MRPS9: variants seen among roughly 807,000 people sequenced by gnomAD.
MRPS9 encodes small ribosomal subunit protein uS9m.
A neutral mutation model predicts 59.9 loss-of-function variants in MRPS9; 45 were observed. The observed-to-expected ratio is 0.75, with a 90% CI of 0.59 to 0.96. MRPS9 has a LOEUF of 0.96. Among genes scored for constraint, MRPS9 ranks in the 40% least tolerant of loss-of-function variants. The probability of loss-of-function intolerance (pLI) is 0.00; values close to 1 mark genes in which losing one functional copy is unlikely to be tolerated. For synonymous variants in MRPS9, 171 were observed against 166.8 expected, an observed-to-expected ratio of 1.03 and a Z score of -0.19; for missense variants, 473 against 481.1, an observed-to-expected ratio of 0.98 and a Z score of 0.16.
chr2:105,068,762 T>G (rs1158550767), intron 2 of MRPS9, among the ~76,000 whole-genome samples: 1 of 152,260 alleles, frequency 6.6e-6, no homozygotes, highest in Non-Finnish European at 1.5e-5. Context: ...GGTACATTTC[T>G]TTTGTATCTT....
rs186824758 is a variant in MRPS9, at chr2:105,075,769, A to C, written c.410-4214A>C. Reference sequence around the variant, plus strand: ...GTGTTAATTGAGTCAAGGTTAAAACATTTCAATAAAAAAGTTAATTAACAA... The same window carrying C: ...GTGTTAATTGAGTCAAGGTTAAAACCTTTCAATAAAAAAGTTAATTAACAA... On this transcript the variant is annotated intron_variant, in intron 4 of 10. Transcript: ENST00000258455. Among the ~76,000 whole-genome samples the C allele has an allele frequency of 2.2e-3, 337 of 152,326 alleles. 1 individual carries two copies. Among genetic ancestry groups the C allele is most frequent in the African/African-American group, 7.9e-3 (327 of 41,584 alleles).
intron 7 of MRPS9, 136 bp downstream of exon 7, chr2:105,090,131 C>CAAAACAAAACAAAACAAA: frequency 6.5e-6 from 2 of 307,214 alleles, no homozygotes; most frequent in South Asian, 4.9e-5. Flanking sequence ...TCTTTAAAAA[C>CAAAACAAAACAAAACAAA]AAAACAAAAC....
At chr2:105,090,639 A>G (rs966884309) in intron 7 of MRPS9, among the ~76,000 whole-genome samples, 6 of 152,148 alleles carry the variant, frequency 3.9e-5, no homozygotes, top group African/African-American at 1.4e-4. Context: ...TTAGGTCTTA[A>G]TTGCATTCTT....
chr2:105,093,725 A>C, intron 9 of MRPS9, 87 bp downstream of exon 9: 1 of 573,368 alleles, frequency 1.7e-6, no homozygotes, highest in East Asian at 3.0e-5. Flanking sequence ...GTGATCTTCT[A>C]ATTCTGTTTA....
intron 2 of MRPS9, among the ~76,000 whole-genome samples, chr2:105,066,919 A>G (rs994569903): frequency 3.3e-5 from 5 of 152,108 alleles, no homozygotes; most frequent in Non-Finnish European, 7.4e-5. Context: ...CCACCTTTTT[A>G]TTTTGAAACT....
intron 5 of MRPS9, 112 bp downstream of exon 5, chr2:105,080,174 A>T (rs1474590337): frequency 9.5e-6 from 6 of 629,686 alleles, no homozygotes; most frequent in Non-Finnish European, 1.5e-5. Flanking sequence ...ATTGACAAAA[A>T]TAAGACTTCT....
Position 105,099,827 on chromosome 2 carries a change from T to A in MRPS9, c.*66T>A. The A allele has an allele frequency of 6.9e-7, 1 of 1,457,222 alleles. No homozygotes were observed. Among genetic ancestry groups the A allele is most frequent in the Non-Finnish European group, 9.6e-7 (1 of 1,044,756 alleles). 90.3% of individuals were successfully genotyped at this position (1,457,222 alleles called of 1,614,324 possible). ...GTGCCGACATGTGGCAGACACACAG[T>A]AAATAATGGCTGACCAGCATGAGGG... On this transcript the variant is annotated 3_prime_UTR_variant, in exon 11 of 11. Transcript: ENST00000258455.
At chr2:105,092,684 T>C (rs1163495698) in intron 8 of MRPS9, 115 bp downstream of exon 8, 1 of 989,058 alleles carries the variant, frequency 1.0e-6, no homozygotes, top group African/African-American at 1.7e-5. Context: ...TTATTTTTGC[T>C]ACCGTTACTT....
chr2:105,065,105 A>G (rs924991817), intron 2 of MRPS9, among the ~76,000 whole-genome samples: 5 of 152,232 alleles, frequency 3.3e-5, no homozygotes, highest in Admixed American at 6.5e-5. Flanking sequence ...CTAAACTAGC[A>G]GAGTGCCTAG....
intron 4 of MRPS9, among the ~76,000 whole-genome samples, chr2:105,073,870 G>A (rs919022719): frequency 1.3e-5 from 2 of 152,118 alleles, no homozygotes; most frequent in South Asian, 2.1e-4. Context: ...AACAAAAGCC[G>A]TTAACTTAAG....
intron 2 of MRPS9, among the ~76,000 whole-genome samples, chr2:105,057,970 A>G (rs979356769): frequency 3.3e-5 from 5 of 152,234 alleles, no homozygotes; most frequent in Non-Finnish European, 5.9e-5. Context: ...GCACTCCTGA[A>G]GTCTACCAAT....
intron 4 of MRPS9, among the ~76,000 whole-genome samples, chr2:105,073,743 G>A (rs966138943): frequency 1.3e-5 from 2 of 152,132 alleles, no homozygotes; most frequent in Non-Finnish European, 2.9e-5. Flanking sequence ...CAAGGAGTGT[G>A]AGGAATACTT....
Position 105,089,904 on chromosome 2 carries a change from T to C in MRPS9, c.576-16T>C, listed in dbSNP as rs772062878. On this transcript the variant is annotated splice_polypyrimidine_tract_variant and intron_variant, in intron 6 of 10. Transcript: ENST00000258455. ...CATGGCTAATTAAAAAGAGAATATA[T>C]GTGATATTTTAACAGAGACGTGATT... is the stretch of plus-strand genomic sequence containing the variant. 2 of 1,559,840 alleles carry C rather than the reference T, an allele frequency of 1.3e-6. No homozygotes were observed. Among genetic ancestry groups the C allele is most frequent in the South Asian group, 1.1e-5 (1 of 88,256 alleles).
chr2:105,095,262 C>T (rs894752216), intron 9 of MRPS9, among the ~76,000 whole-genome samples: 3 of 152,152 alleles, frequency 2.0e-5, no homozygotes, highest in Admixed American at 6.5e-5. Context: ...AGTGAAGTTA[C>T]AAGGGAGGCT....
At chr2:105,039,449 C>G (rs891369209) in intron 1 of MRPS9, among the ~76,000 whole-genome samples, 2 of 151,710 alleles carry the variant, frequency 1.3e-5, no homozygotes, top group Non-Finnish European at 2.9e-5. Flanking sequence ...TTATTGTTGA[C>G]ATTTAATGTA....
intron 8 of MRPS9, 67 bp downstream of exon 8, chr2:105,092,636 G>T: frequency 2.3e-6 from 3 of 1,293,974 alleles, no homozygotes; most frequent in Middle Eastern, 2.0e-4. Context: ...ATTTTTATTT[G>T]CTATTGCTTT....
At chr2:105,090,497 G>GAAATA (rs199938743) in intron 7 of MRPS9, among the ~76,000 whole-genome samples, 3 of 152,110 alleles carry the variant, frequency 2.0e-5, no homozygotes, top group African/African-American at 7.2e-5. Flanking sequence ...CCCTTGAAAT[G>GAAATA]CTGGTTACAA....
chr2:105,076,035 A>G (rs1428773093), intron 4 of MRPS9, among the ~76,000 whole-genome samples: 10 of 152,234 alleles, frequency 6.6e-5, no homozygotes, highest in Admixed American at 6.5e-4. Context: ...TATGAATTAG[A>G]AAACTGAAAG....
intron 4 of MRPS9, among the ~76,000 whole-genome samples, chr2:105,075,275 A>G (rs763851643): frequency 6.6e-6 from 1 of 152,180 alleles, no homozygotes; most frequent in Non-Finnish European, 1.5e-5. Context: ...GGGGACCCCT[A>G]CTGTAGAACC....
Sources: gnomAD v4.1 joint callset for allele counts (sites outside exome capture counted in the v4.1 genomes callset) on GRCh38, gnomAD v4.1.1 for gene constraint, MANE v1.5 for transcripts, NCBI Gene and HGNC (gene_info 2026-07-23, HGNC 2026-07-21) for gene names.